TOR1AIP1: variants seen among roughly 807,000 people sequenced by gnomAD.
The protein encoded by TOR1AIP1 is torsin-1A-interacting protein 1.
In TOR1AIP1, 54 loss-of-function variants were observed where a neutral mutation model predicts 63.3. That is an observed-to-expected ratio of 0.85 (90% CI 0.69 to 1.07). The LOEUF (loss-of-function observed/expected upper bound fraction) is 1.07. Ranked by LOEUF, TOR1AIP1 falls within the 50% of genes least tolerant of loss-of-function variation. TOR1AIP1 has a pLI of 0.00. For synonymous variants in TOR1AIP1, 294 were observed against 273.5 expected (o/e 1.07, Z -0.74); for missense variants, 736 against 715.0 (o/e 1.03, Z -0.33).
chr1:179,889,439 A>G lies in TOR1AIP1; in HGVS notation c.610+70A>G, dbSNP rs1571723280. The G allele has an allele frequency of 3.9e-6, 5 of 1,291,196 alleles. No homozygotes were observed. The East Asian group carries it at 7.0e-5, about 18-fold the overall frequency. The allele number at this position is 1,291,196 out of a possible 1,614,324, so 80.0% of individuals were successfully genotyped here. A position where few individuals can be genotyped will look rare whatever the true frequency, so the allele number is the denominator to read the frequency against. ...GTTTTATTTTTAAATATGGTTGTAC[A>G]TGTATTCATATGATTCAGAACTTAA... On this transcript the variant is annotated intron_variant, in intron 3 of 9. Transcript: ENST00000606911.
In TOR1AIP1 at chr1:179,917,816, G is replaced by T. The variant is rs147566573; in HGVS notation, c.1329G>T (p.Arg443=). 46 of 1,614,166 alleles carry T rather than the reference G, an allele frequency of 2.8e-5. No individual in the cohort carries two copies. In the African/African-American group the frequency reaches 4.4e-4, roughly 15 times the overall value. The part of the protein sequence containing the change: ...YSSFRSVRAI[R]IDGTDKATQD... ...CTTTTCGTAGTGTCCGTGCCATCCG[G>T]ATTGATGGGACAGATAAAGCTACTC... Residue 443 remains arginine, a synonymous_variant, in exon 10 of 10, where the codon CGG becomes CGT. Transcript: ENST00000606911.
intron 3 of TOR1AIP1, among the ~76,000 whole-genome samples, chr1:179,890,625 G>A (rs1242848438): frequency 6.6e-6 from 1 of 151,824 alleles, no homozygotes; most frequent in Non-Finnish European, 1.5e-5. Context: ...TTCCAGGCAG[G>A]GTCTCACTCT....
At chr1:179,916,675 A>G (rs1648996293) in intron 9 of TOR1AIP1, among the ~76,000 whole-genome samples, 1 of 145,932 alleles carries the variant, frequency 6.9e-6, no homozygotes, top group Non-Finnish European at 1.5e-5. Flanking sequence ...CACGTAGAAG[A>G]TGTTCATTTA....
intron 8 of TOR1AIP1, among the ~76,000 whole-genome samples, chr1:179,910,463 T>C (rs1168489810): frequency 1.3e-5 from 2 of 152,194 alleles, no homozygotes; most frequent in Admixed American, 6.5e-5. Flanking sequence ...TTAGCCCACA[T>C]GTAAGTGAGT....
At chr1:179,913,758 T>C (rs140148690) in intron 8 of TOR1AIP1, 2 of 679,500 alleles carry the variant, frequency 2.9e-6, no homozygotes, top group South Asian at 1.6e-5. Context: ...AACTAATTAT[T>C]GTGTGCTTTG....
chr1:179,897,116 A>G (rs1042959399), intron 3 of TOR1AIP1, among the ~76,000 whole-genome samples: 2 of 152,236 alleles, frequency 1.3e-5, no homozygotes, highest in Non-Finnish European at 2.9e-5. Context: ...TACTATTGAT[A>G]AATATTTATT....
At chr1:179,899,506 G>C (rs978028836) in intron 3 of TOR1AIP1, among the ~76,000 whole-genome samples, 2 of 152,076 alleles carry the variant, frequency 1.3e-5, no homozygotes, top group Non-Finnish European at 2.9e-5. Flanking sequence ...TAGGGGATTT[G>C]GCAAATAAGA....
At chr1:179,886,884 T>C (rs761157122) in intron 2 of TOR1AIP1, among the ~76,000 whole-genome samples, 48 of 152,310 alleles carry the variant, frequency 3.2e-4, no homozygotes, top group Middle Eastern at 6.8e-3. Context: ...AAGGAGAGTT[T>C]AGGGAATTAT....
chr1:179,893,939 G>T (rs1008836260), intron 3 of TOR1AIP1, among the ~76,000 whole-genome samples: 3 of 152,140 alleles, frequency 2.0e-5, no homozygotes, highest in Non-Finnish European at 2.9e-5. Flanking sequence ...AAAAAAGTTT[G>T]CTGACCCCTG....
At chr1:179,905,103 G>A (rs569596414) in intron 6 of TOR1AIP1, among the ~76,000 whole-genome samples, 7 of 152,238 alleles carry the variant, frequency 4.6e-5, no homozygotes, top group Admixed American at 6.5e-5. Flanking sequence ...AAGGCCAGGC[G>A]TGGTGGCTCA....
chr1:179,916,702 T>TTC (rs1311449169), intron 9 of TOR1AIP1, among the ~76,000 whole-genome samples: 1 of 135,938 alleles, frequency 7.4e-6, no homozygotes, highest in Non-Finnish European at 1.6e-5. Flanking sequence ...ATCCTTTTCT[T>TTC]TTTTTTTTTT....
In TOR1AIP1 at chr1:179,901,652, GT is replaced by G. The variant is rs555336472; in HGVS notation, c.739+270del. ...GTGCTCAAAAGAAGAGTTACTTGTT[GT>G]TTTTTGAATTTTATAGAGAAACTAA... On this transcript the variant is annotated intron_variant, in intron 5 of 9. Transcript: ENST00000606911. Among the ~76,000 whole-genome samples the G allele has an allele frequency of 5.9e-5, 9 of 152,198 alleles. No homozygotes were observed. The South Asian group carries it at 1.9e-3, about 32-fold the overall frequency.
At chr1:179,905,887 C>T (rs1192631386) in intron 6 of TOR1AIP1, among the ~76,000 whole-genome samples, 7 of 151,830 alleles carry the variant, frequency 4.6e-5, no homozygotes, top group East Asian at 1.9e-4. Flanking sequence ...CAACAGGCAA[C>T]GGCGGCAGTG....
chr1:179,885,450 A>C (rs932940530), intron 2 of TOR1AIP1, among the ~76,000 whole-genome samples: 1 of 152,272 alleles, frequency 6.6e-6, no homozygotes, highest in Non-Finnish European at 1.5e-5. Flanking sequence ...AAAGCTGATT[A>C]AAATATTTTA....
At chr1:179,909,326 C>A (rs941062414) in intron 8 of TOR1AIP1, among the ~76,000 whole-genome samples, 1 of 152,148 alleles carries the variant, frequency 6.6e-6, no homozygotes, top group Non-Finnish European at 1.5e-5. Context: ...CATAATTTTA[C>A]ATAATAAAGG....
intron 3 of TOR1AIP1, among the ~76,000 whole-genome samples, chr1:179,896,239 A>G (rs190991428): frequency 1.2e-4 from 18 of 152,306 alleles, no homozygotes; most frequent in Admixed American, 4.6e-4. Flanking sequence ...TCTTTATTCT[A>G]TAATCATAAA....
intron 2 of TOR1AIP1, among the ~76,000 whole-genome samples, chr1:179,887,127 T>A (rs1383457890): frequency 6.6e-6 from 1 of 152,120 alleles, no homozygotes; most frequent in East Asian, 1.9e-4. Flanking sequence ...AGGCCCGGCA[T>A]GGTGGCTCAC....
In TOR1AIP1 at chr1:179,903,977, A is replaced by G. The variant is rs745835251; in HGVS notation, c.751A>G (p.Arg251Gly). The change falls in exon 6 of 10, where the codon AGA becomes GGA. Residue 251 changes from arginine (R) to glycine (G), a missense_variant. Coordinates refer to ENST00000606911, the MANE Select transcript of TOR1AIP1 (RefSeq NM_015602.4). ...TTTTTATTTTTTAGATAAAACCACC[A>G]GATCATCTAGTCAATATATAGAATC... ...DSDESGDKTT[R>G]SSSQYIESFW... The G allele has an allele frequency of 2.5e-6, 4 of 1,602,886 alleles. No homozygotes were observed. The highest frequency in any genetic ancestry group is 2.6e-6 in the Non-Finnish European group (3 of 1,171,904).
intron 2 of TOR1AIP1, among the ~76,000 whole-genome samples, chr1:179,887,569 C>T (rs1340029683): frequency 1.3e-5 from 2 of 152,136 alleles, no homozygotes; most frequent in East Asian, 3.8e-4. Context: ...GAGTTGTTTT[C>T]ACTTAAAATA....
Sources: allele counts gnomAD v4.1 joint callset (sites outside exome capture counted in the v4.1 genomes callset), GRCh38; gene constraint gnomAD v4.1.1; transcripts MANE v1.5; gene names NCBI Gene and HGNC (gene_info 2026-07-23, HGNC 2026-07-21).